Variants in PDXDC1 observed in about 807,000 individuals in gnomAD.
PDXDC1 encodes the protein pyridoxal-dependent decarboxylase domain-containing protein 1.
PDXDC1 carries 42 observed loss-of-function variants against 100.1 expected under a neutral mutation model. The observed-to-expected ratio is 0.42, with a 90% confidence interval of 0.33 to 0.54. The LOEUF is 0.54. PDXDC1 is among the 20% of genes least tolerant of loss of function. The probability of loss-of-function intolerance (pLI) is 0.10; values close to 1 mark genes in which losing one functional copy is unlikely to be tolerated. For synonymous variants in PDXDC1, 260 were observed against 371.7 expected, an observed-to-expected ratio of 0.70 and a Z score of 3.46; for missense variants, 636 against 979.2, an observed-to-expected ratio of 0.65 and a Z score of 4.68.
In PDXDC1 at chr16:15,047,971, G is replaced by A. The variant is rs749547698; in HGVS notation, c.1399+17915G>A. On this transcript the variant is annotated intron_variant, in intron 16 of 16. Transcript: ENST00000535621. ...ATATCCAATAGCCTTTTGGGATAAC[G>A]CCCAATTCACTGCTTCCTAACCTAC... The A allele has an allele frequency of 9.4e-6, 15 of 1,598,368 alleles. No individual in the cohort carries two copies. The East Asian group carries it at 1.1e-4, about 12-fold the overall frequency.
At chr16:15,081,932 C>G (rs1399351240) in intron 16 of PDXDC1, among the ~76,000 whole-genome samples, 5 of 152,182 alleles carry the variant, frequency 3.3e-5, no homozygotes, top group African/African-American at 1.2e-4. Context: ...ATTCAATTGT[C>G]TTGAACAACT....
At chr16:15,009,639 A>T (rs776421321) in intron 7 of PDXDC1, 42 bp from the exon 8 acceptor site, 1 of 1,611,194 alleles carries the variant, frequency 6.2e-7, no homozygotes, top group Non-Finnish European at 8.5e-7. Flanking sequence ...TATAGCTTTT[A>T]TACTGGGCAC....
chr16:15,038,513 C>A, downstream of PDXDC1: 1 of 977,428 alleles, frequency 1.0e-6, no homozygotes, highest in Non-Finnish European at 1.6e-6. Flanking sequence ...CCCTTTTTTT[C>A]TTACAGATGG....
At chr16:15,140,095 C>CAAAAAAAAAAAAA (rs372891971), downstream of PDXDC1, among the ~76,000 whole-genome samples, 44 of 43,750 alleles carry the variant, frequency 1.0e-3, 2 homozygotes, top group South Asian at 1.4e-3. Context: ...GACTCCATCT[C>CAAAAAAAAAAAAA]AAAAAAAAAA....
At chr16:15,008,280 A>G (rs1249329071) in intron 6 of PDXDC1, among the ~76,000 whole-genome samples, 2 of 152,298 alleles carry the variant, frequency 1.3e-5, no homozygotes, top group African/African-American at 4.8e-5. Flanking sequence ...TAAGTTGACA[A>G]TCACTGTCTC....
downstream of PDXDC1, among the ~76,000 whole-genome samples, chr16:15,140,026 G>A (rs1024666203): frequency 2.1e-5 from 3 of 144,750 alleles, no homozygotes; most frequent in Admixed American, 7.4e-5. Context: ...GAACCCGGGA[G>A]GCGAAGGTTG....
chr16:15,135,132 A>C (rs1233996237), intron 16 of PDXDC1: 2 of 689,122 alleles, frequency 2.9e-6, no homozygotes, highest in Non-Finnish European at 5.1e-6. Context: ...GCAAAGCTGA[A>C]GCAGGCTGTC....
chr16:14,989,179 C>T, intron 1 of PDXDC1: 3 of 1,614,216 alleles, frequency 1.9e-6, no homozygotes, highest in Non-Finnish European at 2.5e-6. Flanking sequence ...AGCAGCTCCG[C>T]CGCTGGCATC....
chr16:14,994,395 G>C (rs1395496640), intron 1 of PDXDC1, among the ~76,000 whole-genome samples: 3 of 152,306 alleles, frequency 2.0e-5, no homozygotes, highest in African/African-American at 7.2e-5. Context: ...ATTAACAAGG[G>C]AATCCTTTCC....
At chr16:15,048,095 CT>C in intron 16 of PDXDC1, 1 of 1,582,854 alleles carries the variant, frequency 6.3e-7, no homozygotes, top group Non-Finnish European at 8.6e-7. Context: ...AAGTCTGGCT[CT>C]TTCCTGTTTA....
In PDXDC1 at chr16:15,136,043, A is replaced by G. The variant is rs536273454; in HGVS notation, c.1400-2836A>G. 2.7e-5 allele frequency: 42 copies of G among 1,559,666 alleles called. 1 individual carries two copies. The African/African-American group carries it at 4.0e-4, about 15-fold the overall frequency. ...GGCTCCCCGGGCAGCCAGTTCTGGCAGCTCTCCAGGCTGAAGGCCTCGCCC... is the reference window on the plus strand; with the variant it reads ...GGCTCCCCGGGCAGCCAGTTCTGGCGGCTCTCCAGGCTGAAGGCCTCGCCC... On this transcript the variant is annotated intron_variant, in intron 16 of 16. Transcript: ENST00000535621.
intron 16 of PDXDC1, chr16:15,130,400 C>T (rs551350000): frequency 1.0e-5 from 16 of 1,579,050 alleles, no homozygotes; most frequent in East Asian, 2.3e-5. Flanking sequence ...CCAGCGCCGA[C>T]AGGCGGAAGT....
chr16:15,047,382 C>T (rs1184686188), intron 16 of PDXDC1: 8 of 1,097,918 alleles, frequency 7.3e-6, no homozygotes, highest in Admixed American at 3.4e-5. Flanking sequence ...TCCACAGCCA[C>T]GTCCTGTATG....
At chr16:15,038,686 A>G, downstream of PDXDC1, 1 of 1,526,580 alleles carries the variant, frequency 6.6e-7, no homozygotes, top group Non-Finnish European at 9.0e-7. Context: ...AATGCTAATC[A>G]TCTAAAAAAG....
intron 16 of PDXDC1, among the ~76,000 whole-genome samples, chr16:15,072,789 CAAAA>C (rs2045292478): frequency 6.6e-6 from 1 of 151,738 alleles, no homozygotes; most frequent in African/African-American, 2.4e-5. Flanking sequence ...GAAAAGAAAA[CAAAA>C]AAAGAAAGGA....
intron 16 of PDXDC1, among the ~76,000 whole-genome samples, chr16:15,079,618 A>G (rs1179221767): frequency 3.4e-5 from 5 of 148,620 alleles, no homozygotes; most frequent in African/African-American, 1.2e-4. Context: ...TTTGAGATGG[A>G]GTCTCGCTCT....
chr16:15,127,356 C>T (rs1185849905), intron 16 of PDXDC1: 11 of 739,730 alleles, frequency 1.5e-5, no homozygotes, highest in Non-Finnish European at 2.6e-5. Flanking sequence ...TCCCGAGCAG[C>T]CTTTGGTGGA....
chr16:15,150,454 C>T, the PDXDC1 span, among the ~76,000 whole-genome samples: 1 of 151,496 alleles, frequency 6.6e-6, no homozygotes, highest in South Asian at 2.1e-4. Context: ...CACCTAAGGC[C>T]AAGAGTTCAA....
downstream of PDXDC1, among the ~76,000 whole-genome samples, chr16:15,140,414 A>G (rs1221563944): frequency 6.8e-6 from 1 of 147,228 alleles, no homozygotes; most frequent in Non-Finnish European, 1.5e-5. Flanking sequence ...CCTGCACTCC[A>G]GCACCCCATC....
Sources: gnomAD v4.1 joint callset for allele counts (sites outside exome capture counted in the v4.1 genomes callset) on GRCh38, gnomAD v4.1.1 for gene constraint, MANE v1.5 for transcripts, NCBI Gene and HGNC (gene_info 2026-07-23, HGNC 2026-07-21) for gene names.